FASTK: variants seen among roughly 807,000 people sequenced by gnomAD.
FASTK encodes fas-activated serine/threonine kinase.
FASTK carries 28 observed loss-of-function variants against 60.0 expected under a neutral mutation model. That is an observed-to-expected ratio of 0.47 (90% CI 0.35 to 0.64). FASTK has a LOEUF of 0.64. Ranked by LOEUF, FASTK falls within the 30% of genes least tolerant of loss-of-function variation. FASTK has a pLI of 0.01. For missense variants in FASTK, 595 were observed against 713.8 expected (o/e 0.83, Z 1.90); for synonymous variants, 325 against 307.9 (o/e 1.06, Z -0.58).
chr7:151,078,186 A>C, intron 4 of FASTK, 94 bp from the exon 5 acceptor site: 1 of 941,300 alleles, frequency 1.1e-6, no homozygotes, highest in Admixed American at 2.5e-5. Context: ...CCTCAGGTTT[A>C]CAACACTGCT....
chr7:151,076,787 T>G lies in FASTK; in HGVS notation c.1588A>C (p.Lys530Gln), dbSNP rs1585004919. 1 of 1,612,356 alleles carries G rather than the reference T, an allele frequency of 6.2e-7. No homozygotes were observed. Among genetic ancestry groups the G allele is most frequent in the Non-Finnish European group, 8.5e-7 (1 of 1,179,480 alleles). The change falls in exon 10 of 10, where the codon AAG (lysine) becomes CAG (glutamine). Residue 530 changes from lysine (K) to glutamine (Q), a missense_variant. Physicochemically the swap from Lys to Gln is moderately conservative, Grantham distance 53 (BLOSUM62 1). This residue lies in a region of FASTK where 471 missense variants were observed against 605.9 expected (regional missense o/e 0.78). Transcript: ENST00000297532. ...TGGAGCTTCTGCCTCAGGTAGCTCT[T>G]GAGCTGGGGCAGGCCTCTCTGGGAC... ...LESQRGLPQL[K>Q]SYLRQKLQAL...
rs1339557602 is a variant in FASTK at position 151,080,244 on chromosome 7, A to G, written c.83-322T>C. On this transcript the variant is annotated intron_variant, in intron 1 of 9. Transcript: ENST00000297532. Reference sequence around the variant, plus strand: ...CGGTGGAGAAACGCAGGCCCAGAGCAGCGAAGGGGTTAAGTTAAGCCCGAG... The same window carrying G: ...CGGTGGAGAAACGCAGGCCCAGAGCGGCGAAGGGGTTAAGTTAAGCCCGAG... 3 of 381,334 alleles carry G rather than the reference A, an allele frequency of 7.9e-6. No individual in the cohort carries two copies. In the Admixed American group the frequency reaches 1.3e-4, roughly 17 times the overall value. The allele number at this position is 381,334 out of a possible 1,614,324, so 23.6% of individuals were successfully genotyped here. A position where few individuals can be genotyped will look rare whatever the true frequency, so the allele number is the denominator to read the frequency against.
chr7:151,080,411 G>T (rs949681141), intron 1 of FASTK: 7 of 1,141,404 alleles, frequency 6.1e-6, no homozygotes, highest in South Asian at 2.9e-5. Flanking sequence ...ACGGTGCTGG[G>T]TTCCATGCTG....
Position 151,079,889 on chromosome 7 carries a change from A to G in FASTK, c.116T>C (p.Leu39Pro), listed in dbSNP as rs1284653332. The G allele has an allele frequency of 6.3e-7, 1 of 1,597,374 alleles. No homozygotes were observed. Among genetic ancestry groups the G allele is most frequent in the South Asian group, 1.1e-5 (1 of 89,424 alleles). The change falls in exon 2 of 10, where the codon CTG becomes CCG. Residue 39 changes from leucine (L) to proline (P), a missense_variant. This residue lies in a region of FASTK where 124 missense variants were observed against 107.9 expected (regional missense o/e 1.15). Transcript: ENST00000297532. ...AGCAGGGGAGGTCTGAGCAGAGAGC[A>G]GGACTCGAAGCATGGAGTTGGGTGA... ...SPSPNSMLRV[L>P]LSAQTSPARL... is the part of the protein sequence containing the mutation.
intron 1 of FASTK, 151 bp downstream of exon 1, chr7:151,080,534 C>G: frequency 1.5e-6 from 2 of 1,299,578 alleles, no homozygotes; most frequent in East Asian, 6.3e-5. Context: ...GCGTGGAGCC[C>G]GAGTGCACCG....
intron 4 of FASTK, 150 bp from the exon 5 acceptor site, chr7:151,078,242 C>G (rs1797777155): frequency 1.5e-6 from 1 of 653,644 alleles, no homozygotes; most frequent in African/African-American, 1.8e-5. Context: ...AACAGCAAAG[C>G]AGTCACGAGC....
At chr7:151,079,088 T>C (rs1231909140) in intron 2 of FASTK, 67 bp from the exon 3 acceptor site, 3 of 1,348,964 alleles carry the variant, frequency 2.2e-6, no homozygotes, top group Admixed American at 3.5e-5. Flanking sequence ...ATGGGGTTAC[T>C]TGGTGAATTC....
chr7:151,080,013 G>T, intron 1 of FASTK, 91 bp from the exon 2 acceptor site: 1 of 1,196,468 alleles, frequency 8.4e-7, no homozygotes, highest in Non-Finnish European at 1.2e-6. Context: ...CATTTAGGGG[G>T]CCTGTGGTCA....
chr7:151,077,585 C>T (rs1300204001), intron 6 of FASTK, 36 bp downstream of exon 6: 2 of 1,530,310 alleles, frequency 1.3e-6, no homozygotes, highest in Non-Finnish European at 1.8e-6. Flanking sequence ...TGGTCCCAGG[C>T]TGGCCCCTCC....
chr7:151,079,997 A>C (rs1585014412), intron 1 of FASTK, 75 bp from the exon 2 acceptor site: 7 of 1,311,444 alleles, frequency 5.3e-6, no homozygotes, highest in Non-Finnish European at 7.3e-6. Context: ...TGCTTACCTC[A>C]CTCCTCATTT....
intron 1 of FASTK, 191 bp downstream of exon 1, chr7:151,080,494 T>G: frequency 7.8e-7 from 1 of 1,285,686 alleles, no homozygotes; most frequent in African/African-American, 1.5e-5. Context: ...ACCCGTGAAA[T>G]GAAAACGCAG....
chr7:151,077,801 G>A (rs1371554934), intron 5 of FASTK, 21 bp from the exon 6 acceptor site: 1 of 1,593,076 alleles, frequency 6.3e-7, no homozygotes, highest in African/African-American at 1.3e-5. Flanking sequence ...GCGGGGACTG[G>A]GGCTCTGGGC....
Position 151,077,124 on chromosome 7 carries a change from G to A in FASTK, c.1404C>T (p.Ala468=), listed in dbSNP as rs371534765. The change falls in exon 8 of 10, where the codon GCC becomes GCT. Residue 468 remains alanine, a synonymous_variant. Transcript: ENST00000297532. The part of the protein sequence containing the change: ...SCPQGQAASS[A]TTRDPAQRVV... ...ACCTCTGGGCAGGGTCTCGAGTAGT[G>A]GCGCTAGAGGCAGCCTGGCCCTGTG... 4.2e-5 allele frequency: 67 copies of A among 1,611,688 alleles called. No homozygotes were observed. Among genetic ancestry groups the A allele is most frequent in the Non-Finnish European group, 5.3e-5 (62 of 1,178,682 alleles).
rs1449107842 is a variant in FASTK at position 151,078,450 on chromosome 7, A to C, written c.825+112T>G. The C allele has an allele frequency of 6.6e-6, 8 of 1,211,560 alleles. No individual in the cohort carries two copies. The East Asian group carries it at 1.9e-4, about 29-fold the overall frequency. The allele number at this position is 1,211,560 out of a possible 1,614,324, so 75.1% of individuals were successfully genotyped here. A position where few individuals can be genotyped will look rare whatever the true frequency, so the allele number is the denominator to read the frequency against. Reference sequence around the variant, plus strand: ...AGAAAAGATGCAGGTCCCAGGGGACAGAGAGGGTGTGTCTGCTTCAGGAAA... The same window carrying C: ...AGAAAAGATGCAGGTCCCAGGGGACCGAGAGGGTGTGTCTGCTTCAGGAAA... On this transcript the variant is annotated intron_variant, in intron 4 of 9. Coordinates refer to ENST00000297532, the MANE Select transcript of FASTK (RefSeq NM_006712.5).
Position 151,077,694 on chromosome 7 carries a change from G to A in FASTK, c.1126C>T (p.Arg376Cys), listed in dbSNP as rs1341899473. The change falls in exon 6 of 10, where the codon CGC (arginine) becomes TGC (cysteine). Residue 376 changes from arginine to cysteine, a missense_variant. Coordinates refer to ENST00000297532, the MANE Select transcript of FASTK (RefSeq NM_006712.5). ...ELELPGYRGP[R>C]LPRRQQVPIF... ...GGCACTTGCTGCCTTCGGGGAAGGCGGGGACCCCGGTATCCTGGGAGCTCC... is the reference window on the plus strand; with the variant it reads ...GGCACTTGCTGCCTTCGGGGAAGGCAGGGACCCCGGTATCCTGGGAGCTCC... 1.3e-6 allele frequency: 2 copies of A among 1,586,878 alleles called. No homozygotes were observed. The highest frequency in any genetic ancestry group is 1.8e-5 in the Admixed American group (1 of 54,162).
rs758413763 is a variant in FASTK at position 151,076,964 on chromosome 7, C to T, written c.1491G>A (p.Ser497=). The T allele has an allele frequency of 1.8e-5, 29 of 1,612,030 alleles. No homozygotes were observed. Among genetic ancestry groups the T allele is most frequent in the Middle Eastern group, 1.6e-4 (1 of 6,082 alleles). ...CTAGGTGCCGCTCCCTCAGGGCCCT[C>T]GAGCCCAGCAGCACCCGGCCGTCCC... ...FCRDGRVLLG[S]RALRERHLGL... Residue 497 remains serine (S), a synonymous_variant, in exon 9 of 10, where the codon TCG becomes TCA. Coordinates refer to ENST00000297532, the MANE Select transcript of FASTK (RefSeq NM_006712.5).
At position 151,077,666 on chromosome 7, in the gene FASTK, A is replaced by G; in HGVS notation, c.1154T>C (p.Ile385Thr). The G allele has an allele frequency of 6.4e-7, 1 of 1,574,740 alleles. No homozygotes were observed. Among genetic ancestry groups the G allele is most frequent in the Non-Finnish European group, 8.6e-7 (1 of 1,160,768 alleles). ...PRLPRRQQVP[I>T]FPQPLITDRA... The stretch of plus-strand genomic sequence containing the variant: ...GTCGGTGATGAGAGGCTGGGGAAAG[A>G]TGGGCACTTGCTGCCTTCGGGGAAG... Residue 385 changes from isoleucine to threonine, a missense_variant, in exon 6 of 10, where the codon ATC (isoleucine) becomes ACC (threonine). Ile to Thr is a moderately conservative substitution (Grantham distance 89). This residue lies in a region of FASTK where 471 missense variants were observed against 605.9 expected (regional missense o/e 0.78). Transcript: ENST00000297532.
chr7:151,080,714 C>A lies in FASTK; in HGVS notation c.53G>T (p.Gly18Val). ...PGPRAPRPTE[G>V]ATCAGPGESW... is the part of the protein sequence containing the mutation. The stretch of plus-strand genomic sequence containing the variant: ...CTCCCCGGGCCCTGCGCAGGTCGCT[C>A]CCTCAGTCGGTCTCGGGGCCCGGGG... The change falls in exon 1 of 10, where the codon GGA (glycine) becomes GTA (valine). Residue 18 changes from glycine to valine, a missense_variant. By Grantham distance (109) the Gly-to-Val change is moderately radical. Around this residue, in one of 2 missense-constraint regions of FASTK, gnomAD observed 124 missense variants for 107.9 expected, o/e 1.15. Coordinates refer to ENST00000297532, the MANE Select transcript of FASTK (RefSeq NM_006712.5). The A allele has an allele frequency of 7.3e-7, 1 of 1,367,324 alleles. No individual in the cohort carries two copies. 84.7% of individuals were successfully genotyped at this position (1,367,324 alleles called of 1,614,324 possible). A position where few individuals can be genotyped will look rare whatever the true frequency, so the allele number is the denominator to read the frequency against.
In FASTK at chr7:151,079,733, T is replaced by C. The variant is rs746579421; in HGVS notation, c.272A>G (p.Gln91Arg). ...PVQGLQRLLE[Q>R]AKSPGELLRW... ...CAGCAGCTCCCCAGGGCTCTTCGCC[T>C]GTTCCAGAAGCCGCTGCAGTCCTTG... Residue 91 changes from glutamine (Q) to arginine (R), a missense_variant, in exon 2 of 10, where the codon CAG becomes CGG. Around this residue, in one of 2 missense-constraint regions of FASTK, gnomAD observed 471 missense variants for 605.9 expected, o/e 0.78. Coordinates refer to ENST00000297532, the MANE Select transcript of FASTK (RefSeq NM_006712.5). The C allele has an allele frequency of 8.7e-6, 14 of 1,600,924 alleles. No individual in the cohort carries two copies.
Sources: allele counts gnomAD v4.1 joint callset, GRCh38; gene constraint gnomAD v4.1.1; regional missense constraint gnomAD v4.1.1; transcripts MANE v1.5; gene names NCBI Gene and HGNC (gene_info 2026-07-23, HGNC 2026-07-21).